The following RCAN1 variants were observed in gnomAD, a reference collection of about 807,000 sequenced individuals.
RCAN1 encodes the protein regulator of calcineurin 1.
RCAN1 carries 11 observed loss-of-function variants against 22.9 expected under a neutral mutation model. The ratio of observed to expected loss-of-function variants is 0.48; its 90% CI spans 0.30 to 0.79. The LOEUF is 0.79. Ranked by LOEUF, RCAN1 falls within the 30% of genes least tolerant of loss-of-function variation. RCAN1 has a pLI of 0.06. For missense variants in RCAN1, 291 were observed against 337.8 expected (o/e 0.86, Z 1.09); for synonymous variants, 136 against 142.3 (o/e 0.96, Z 0.32).
At chr21:34,597,001 CAG>C (rs1293038401) in intron 1 of RCAN1, among the ~76,000 whole-genome samples, 1 of 152,152 alleles carries the variant, frequency 6.6e-6, no homozygotes, top group Non-Finnish European at 1.5e-5. Flanking sequence ...CAGCTTGAGA[CAG>C]AGAGTAAGAA....
At chr21:34,539,280 C>T (rs1225107338) in intron 1 of RCAN1, among the ~76,000 whole-genome samples, 1 of 152,098 alleles carries the variant, frequency 6.6e-6, no homozygotes, top group Non-Finnish European at 1.5e-5. Context: ...ACATCAAGAT[C>T]CGTGATCAGA....
At chr21:34,610,026 C>T (rs1362674907) in intron 1 of RCAN1, among the ~76,000 whole-genome samples, 2 of 152,150 alleles carry the variant, frequency 1.3e-5, no homozygotes, top group African/African-American at 2.4e-5. Flanking sequence ...AACCGCATGC[C>T]TCACCCTCAC....
chr21:34,578,165 C>T (rs1167138255), intron 1 of RCAN1, among the ~76,000 whole-genome samples: 1 of 152,136 alleles, frequency 6.6e-6, no homozygotes, highest in African/African-American at 2.4e-5. Context: ...GCAAGAGGTG[C>T]GTTAGGGAAT....
At chr21:34,526,762 C>G (rs1227818073) in intron 1 of RCAN1, 1 of 1,605,672 alleles carries the variant, frequency 6.2e-7, no homozygotes, top group Non-Finnish European at 8.5e-7. Flanking sequence ...TGCTTTCTTA[C>G]AGTGAAAGCG....
chr21:34,527,549 A>G (rs1425002422), intron 1 of RCAN1, among the ~76,000 whole-genome samples: 1 of 152,188 alleles, frequency 6.6e-6, no homozygotes, highest in Non-Finnish European at 1.5e-5. Context: ...TGAAAACTTC[A>G]TTATTATAAT....
intron 1 of RCAN1, among the ~76,000 whole-genome samples, chr21:34,583,178 C>CTTT (rs10708288): frequency 8.7e-6 from 1 of 114,362 alleles, no homozygotes; most frequent in Non-Finnish European, 1.8e-5. Context: ...GCGATAGGGC[C>CTTT]TTTTTTTTTT....
chr21:34,518,834 T>C lies in RCAN1; in HGVS notation c.587-578A>G, dbSNP rs559863473. Among the ~76,000 whole-genome samples, 11 of 152,202 alleles carry C rather than the reference T, an allele frequency of 7.2e-5. No homozygotes were observed. The highest frequency in any genetic ancestry group is 1.9e-4 in the African/African-American group (8 of 41,510). ...AACTTCTAATCCCCGGGACCAGGAG[T>C]GTCCTGCTGTTCTATGTCAGCCTGA... On this transcript the variant is annotated intron_variant, in intron 3 of 3. Coordinates refer to ENST00000313806, the MANE Select transcript of RCAN1 (RefSeq NM_004414.7). The surrounding 1 kb of genome is among the most constrained non-coding windows in gnomAD (Gnocchi z 4.2).
chr21:34,578,026 G>C (rs1246111936), intron 1 of RCAN1, among the ~76,000 whole-genome samples: 1 of 152,188 alleles, frequency 6.6e-6, no homozygotes, highest in Non-Finnish European at 1.5e-5. Flanking sequence ...GCCCTGCAGA[G>C]GGGTGTGGAC....
chr21:34,567,438 T>C (rs1243342385), intron 1 of RCAN1, among the ~76,000 whole-genome samples: 2 of 151,844 alleles, frequency 1.3e-5, no homozygotes, highest in African/African-American at 4.8e-5. Flanking sequence ...AGTGGAAATA[T>C]TTCTGGCCTA....
chr21:34,566,272 C>T (rs963107796), intron 1 of RCAN1, among the ~76,000 whole-genome samples: 2 of 152,186 alleles, frequency 1.3e-5, no homozygotes, highest in Admixed American at 6.5e-5. Context: ...TCTGTGCGAA[C>T]CCCAGACCCA....
chr21:34,559,980 G>A (rs1379920333), intron 1 of RCAN1: 1 of 152,186 alleles, frequency 6.6e-6, no homozygotes, highest in East Asian at 1.9e-4. Flanking sequence ...GTGAGCCAGT[G>A]AACATTACTT....
intron 1 of RCAN1, among the ~76,000 whole-genome samples, chr21:34,573,590 G>C (rs550057702): frequency 6.6e-6 from 1 of 152,124 alleles, no homozygotes. Context: ...ATGACCCCAA[G>C]TCTTCAGTCT....
At chr21:34,574,062 C>T (rs1018092398) in intron 1 of RCAN1, among the ~76,000 whole-genome samples, 2 of 152,170 alleles carry the variant, frequency 1.3e-5, no homozygotes, top group African/African-American at 4.8e-5. Flanking sequence ...ATGAATTTTC[C>T]AATGGAAGGG....
intron 1 of RCAN1, among the ~76,000 whole-genome samples, chr21:34,605,017 T>A (rs1988479405): frequency 6.6e-6 from 1 of 152,226 alleles, no homozygotes; most frequent in Non-Finnish European, 1.5e-5. Flanking sequence ...ATCCATTACA[T>A]ATATGTGATA....
chr21:34,601,822 A>AG (rs1784975718), intron 1 of RCAN1, among the ~76,000 whole-genome samples: 1 of 110,314 alleles, frequency 9.1e-6, no homozygotes, highest in South Asian at 3.4e-4. Context: ...TGTCTCAAAA[A>AG]AAAAAAAAAA....
At chr21:34,553,509 A>C (rs985415695) in intron 1 of RCAN1, among the ~76,000 whole-genome samples, 1 of 152,186 alleles carries the variant, frequency 6.6e-6, no homozygotes, top group Non-Finnish European at 1.5e-5. Context: ...GTAGTTTTCC[A>C]TGGCTGATTC....
At chr21:34,582,087 G>T (rs1028308569) in intron 1 of RCAN1, among the ~76,000 whole-genome samples, 1 of 152,148 alleles carries the variant, frequency 6.6e-6, no homozygotes, top group Non-Finnish European at 1.5e-5. Context: ...CTAAAGAGGG[G>T]TCTATGCTCA....
At chr21:34,543,878 C>T (rs1986021323) in intron 1 of RCAN1, among the ~76,000 whole-genome samples, 2 of 152,242 alleles carry the variant, frequency 1.3e-5, no homozygotes, top group Non-Finnish European at 2.9e-5. Context: ...AAGATGACCA[C>T]AGTGGCACTG....
At chr21:34,597,717 T>G (rs1185562026) in intron 1 of RCAN1, among the ~76,000 whole-genome samples, 1 of 152,218 alleles carries the variant, frequency 6.6e-6, no homozygotes, top group Non-Finnish European at 1.5e-5. Context: ...AAATACAATT[T>G]GAAGTATTAT....
Sources: allele counts gnomAD v4.1 joint callset (sites outside exome capture counted in the v4.1 genomes callset), GRCh38; gene constraint gnomAD v4.1.1; non-coding constraint Gnocchi (gnomAD v3.1); transcripts MANE v1.5; gene names NCBI Gene and HGNC (gene_info 2026-07-23, HGNC 2026-07-21).